Variants in CREB3L2 observed in about 807,000 individuals in gnomAD.
The protein encoded by CREB3L2 is cAMP responsive element binding protein 3 like 2, also known as cyclic AMP-responsive element-binding protein 3-like protein 2.
CREB3L2 carries 23 observed loss-of-function variants against 57.2 expected under a neutral mutation model. That is an observed-to-expected ratio of 0.40 (90% CI 0.29 to 0.57). The LOEUF is 0.57. Ranked by LOEUF, CREB3L2 falls within the 20% of genes least tolerant of loss-of-function variation. The probability of loss-of-function intolerance (pLI) is 0.42; values close to 1 mark genes in which losing one functional copy is unlikely to be tolerated. For synonymous variants in CREB3L2, 268 were observed against 265.1 expected, an observed-to-expected ratio of 1.01 and a Z score of -0.11; for missense variants, 628 against 634.7, an observed-to-expected ratio of 0.99 and a Z score of 0.11.
intron 8 of CREB3L2, among the ~76,000 whole-genome samples, chr7:137,895,293 A>T (rs926812909): frequency 6.6e-6 from 1 of 152,254 alleles, no homozygotes; most frequent in Non-Finnish European, 1.5e-5. Flanking sequence ...AAAAGCCAGA[A>T]GGATTCTCTA....
intron 4 of CREB3L2, among the ~76,000 whole-genome samples, chr7:137,908,835 T>G (rs1799949054): frequency 6.6e-6 from 1 of 152,056 alleles, no homozygotes; most frequent in Non-Finnish European, 1.5e-5. Context: ...TAGCCTGGCG[T>G]GGTGGCACGT....
chr7:137,960,812 T>TTTTC (rs1207397162), intron 1 of CREB3L2, among the ~76,000 whole-genome samples: 2 of 132,368 alleles, frequency 1.5e-5, no homozygotes, highest in Non-Finnish European at 3.2e-5. Flanking sequence ...ATTATTTCTT[T>TTTTC]TTTTTTTTTT....
chr7:137,881,540 A>C (rs1385205659), intron 11 of CREB3L2, among the ~76,000 whole-genome samples: 2 of 152,260 alleles, frequency 1.3e-5, no homozygotes, highest in Non-Finnish European at 2.9e-5. Context: ...TAAATGTTAA[A>C]TATGTATGTA....
intron 1 of CREB3L2, chr7:137,955,194 G>A (rs1801183073): frequency 1.0e-6 from 1 of 958,972 alleles, no homozygotes; most frequent in Non-Finnish European, 1.5e-6. Flanking sequence ...GAAACCCCCT[G>A]AAATCCTTGC....
At chr7:137,969,823 A>G (rs1488923222) in intron 1 of CREB3L2, among the ~76,000 whole-genome samples, 1 of 144,954 alleles carries the variant, frequency 6.9e-6, no homozygotes, top group African/African-American at 2.8e-5. Flanking sequence ...AGACAGAAAA[A>G]TAAGTTAATA....
intron 2 of CREB3L2, among the ~76,000 whole-genome samples, chr7:137,916,936 T>C (rs1399987207): frequency 6.6e-6 from 1 of 152,184 alleles, no homozygotes; most frequent in Non-Finnish European, 1.5e-5. Context: ...TTTGGTTTTT[T>C]GATATTTTTT....
intron 2 of CREB3L2, among the ~76,000 whole-genome samples, chr7:137,922,384 G>GTATGTGTGTA (rs1554497998): frequency 1.0e-4 from 2 of 19,582 alleles, no homozygotes; most frequent in African/African-American, 4.8e-4. Context: ...ATATATATAT[G>GTATGTGTGTA]TATATATATA....
intron 1 of CREB3L2, among the ~76,000 whole-genome samples, chr7:137,972,288 A>G (rs902313157): frequency 1.3e-5 from 2 of 151,890 alleles, no homozygotes; most frequent in Non-Finnish European, 2.9e-5. Flanking sequence ...AAAATACAAA[A>G]ATTAGCCGGG....
intron 1 of CREB3L2, among the ~76,000 whole-genome samples, chr7:137,941,071 T>C (rs1186521536): frequency 6.6e-6 from 1 of 152,206 alleles, no homozygotes; most frequent in African/African-American, 2.4e-5. Context: ...ATGACATGTG[T>C]TGAGACATAC....
chr7:137,901,261 C>T (rs1799748682), intron 8 of CREB3L2, 93 bp downstream of exon 8: 2 of 841,386 alleles, frequency 2.4e-6, no homozygotes, highest in African/African-American at 3.4e-5. Flanking sequence ...TGACCTCCTC[C>T]ACTTTTCTGC....
At chr7:137,999,215 T>A (rs1258461687) in intron 1 of CREB3L2, among the ~76,000 whole-genome samples, 1 of 152,210 alleles carries the variant, frequency 6.6e-6, no homozygotes, top group Non-Finnish European at 1.5e-5. Flanking sequence ...AGATCCATTT[T>A]CTATGGGAAG....
chr7:137,917,766 G>T (rs889393343), intron 2 of CREB3L2, among the ~76,000 whole-genome samples: 2 of 152,178 alleles, frequency 1.3e-5, no homozygotes, highest in Admixed American at 6.5e-5. Flanking sequence ...TATAATTGAT[G>T]AATTATCCCA....
intron 4 of CREB3L2, among the ~76,000 whole-genome samples, chr7:137,910,018 G>A (rs1031134839): frequency 3.9e-5 from 6 of 152,090 alleles, no homozygotes; most frequent in Non-Finnish European, 5.9e-5. Context: ...CCTTATCCAC[G>A]TGGAACTGTG....
At chr7:137,937,470 C>T (rs1413450780) in intron 1 of CREB3L2, among the ~76,000 whole-genome samples, 1 of 152,180 alleles carries the variant, frequency 6.6e-6, no homozygotes, top group Non-Finnish European at 1.5e-5. Context: ...ACCTGAGTGG[C>T]TCTCACACAA....
intron 4 of CREB3L2, chr7:137,912,743 G>A: frequency 1.8e-6 from 2 of 1,097,076 alleles, no homozygotes; most frequent in African/African-American, 1.6e-5. Flanking sequence ...ATATCACCCT[G>A]GTTAGAAGTA....
At chr7:137,961,605 C>T (rs1285135007) in intron 1 of CREB3L2, among the ~76,000 whole-genome samples, 1 of 152,172 alleles carries the variant, frequency 6.6e-6, no homozygotes, top group African/African-American at 2.4e-5. Flanking sequence ...TTGGGGGTCC[C>T]TCCCCTGTGG....
chr7:137,985,986 C>A (rs762987776), intron 1 of CREB3L2, among the ~76,000 whole-genome samples: 1 of 152,078 alleles, frequency 6.6e-6, no homozygotes, highest in Non-Finnish European at 1.5e-5. Flanking sequence ...CTTCCTAGGC[C>A]TCTCAGAAAC....
intron 1 of CREB3L2, chr7:137,953,505 G>A (rs763759786): frequency 7.0e-6 from 9 of 1,288,986 alleles, no homozygotes; most frequent in South Asian, 6.2e-5. Flanking sequence ...CCCAACACAC[G>A]ACTCTCCTGA....
intron 1 of CREB3L2, among the ~76,000 whole-genome samples, chr7:137,964,913 T>C (rs1396609099): frequency 6.6e-6 from 1 of 152,140 alleles, no homozygotes; most frequent in African/African-American, 2.4e-5. Context: ...CCTCTTTTGC[T>C]TGGCTCTCAA....
Sources: gnomAD v4.1 joint callset for allele counts (sites outside exome capture counted in the v4.1 genomes callset) on GRCh38, gnomAD v4.1.1 for gene constraint, MANE v1.5 for transcripts, NCBI Gene and HGNC (gene_info 2026-07-23, HGNC 2026-07-21) for gene names.